The following THSD7B variants were observed in gnomAD, a reference collection of about 807,000 sequenced individuals.
THSD7B encodes thrombospondin type-1 domain-containing protein 7B.
In THSD7B, 138 loss-of-function variants were observed where a neutral mutation model predicts 213.6. The ratio of observed to expected loss-of-function variants is 0.65; its 90% CI spans 0.56 to 0.74. THSD7B has a LOEUF of 0.74. THSD7B is among the 30% of genes least tolerant of loss of function. The pLI is 0.00. For missense variants in THSD7B, 1,931 were observed against 1,991.5 expected (o/e 0.97, Z 0.58); for synonymous variants, 742 against 687.0 (o/e 1.08, Z -1.25).
intron 5 of THSD7B, among the ~76,000 whole-genome samples, chr2:137,122,557 A>G (rs1688563341): frequency 1.3e-5 from 2 of 152,156 alleles, no homozygotes; most frequent in Admixed American, 1.3e-4. Context: ...GGGGGAGATG[A>G]GGTAAGGACT....
intron 12 of THSD7B, among the ~76,000 whole-genome samples, chr2:137,286,803 G>A (rs1032094920): frequency 1.3e-5 from 2 of 152,064 alleles, no homozygotes; most frequent in African/African-American, 4.8e-5. Flanking sequence ...CACGAGCTAT[G>A]GGCATTTCCA....
chr2:137,431,638 G>A (rs774083587), intron 14 of THSD7B, among the ~76,000 whole-genome samples: 4 of 152,052 alleles, frequency 2.6e-5, no homozygotes, highest in Non-Finnish European at 5.9e-5. Context: ...ACAATATAAA[G>A]GGTTAAATAA....
At position 137,560,185 on chromosome 2, in the gene THSD7B, A is replaced by G. The variant is rs1423867661; in HGVS notation, c.3139-3036A>G. Among the ~76,000 whole-genome samples the G allele has an allele frequency of 2.6e-5, 4 of 152,210 alleles. No individual in the cohort carries two copies. In the East Asian group the frequency reaches 5.8e-4, roughly 22 times the overall value. ...TCAAGGATCTAGAACTAGAAATACC[A>G]TTTGACCCAGCCATCCCATTGCTGG... On this transcript the variant is annotated intron_variant, in intron 15 of 27. Coordinates refer to ENST00000409968, the MANE Select transcript of THSD7B (RefSeq NM_001316349.2).
Position 137,641,690 on chromosome 2 carries a change from G to A in THSD7B, c.3800-798G>A, listed in dbSNP as rs138491013. Among the ~76,000 whole-genome samples the A allele has an allele frequency of 4.2e-4, 64 of 152,294 alleles. No homozygotes were observed. The East Asian group carries it at 0.012, about 28-fold the overall frequency. On this transcript the variant is annotated intron_variant, in intron 20 of 27. Transcript: ENST00000409968. ...TGATGAGCTGATGACCTAATGCCTA[G>A]GAGGGGGCAGAAGATGACATGGGAG...
intron 1 of THSD7B, among the ~76,000 whole-genome samples, chr2:136,807,785 C>T (rs1034275700): frequency 1.1e-4 from 16 of 152,260 alleles, no homozygotes; most frequent in African/African-American, 2.6e-4. Flanking sequence ...GGATTACAGG[C>T]GTGAGCCACC....
rs1339125557 is a variant in THSD7B at position 137,487,568 on chromosome 2, A to G, written c.3138+36545A>G. ...CAACAAAATTGATAGTCCACTAGCA[A>G]GACTAATAAAGAAGAAAAGAGAGAA... On this transcript the variant is annotated intron_variant, in intron 15 of 27. Transcript: ENST00000409968. Among the ~76,000 whole-genome samples the G allele has an allele frequency of 1.1e-4, 17 of 151,904 alleles. No individual in the cohort carries two copies. The East Asian group carries it at 3.3e-3, about 29-fold the overall frequency.
chr2:137,337,994 C>G (rs891474652), intron 12 of THSD7B, among the ~76,000 whole-genome samples: 2 of 151,834 alleles, frequency 1.3e-5, no homozygotes, highest in African/African-American at 2.4e-5. Flanking sequence ...ACAAATAACC[C>G]CAAAATTTAG....
intron 7 of THSD7B, among the ~76,000 whole-genome samples, chr2:137,224,097 A>C (rs1414502681): frequency 6.6e-6 from 1 of 152,176 alleles, no homozygotes; most frequent in Non-Finnish European, 1.5e-5. Flanking sequence ...ACAACCACTA[A>C]GACATTTGGT....
chr2:137,585,685 T>C (rs1681708204), intron 17 of THSD7B, among the ~76,000 whole-genome samples: 1 of 152,220 alleles, frequency 6.6e-6, no homozygotes, highest in African/African-American at 2.4e-5. Flanking sequence ...CTAGTTTGAT[T>C]GCACTGTGGT....
intron 1 of THSD7B, among the ~76,000 whole-genome samples, chr2:136,781,176 TG>T (rs1681735140): frequency 6.6e-6 from 1 of 152,014 alleles, no homozygotes. Context: ...AGTGGGGTGG[TG>T]GGGCGTTGTG....
chr2:136,772,316 T>C lies in THSD7B; in HGVS notation c.-36+6629T>C, dbSNP rs531129977. Among the ~76,000 whole-genome samples, 6 of 152,262 alleles carry C rather than the reference T, an allele frequency of 3.9e-5. No homozygotes were observed. In the East Asian group the frequency reaches 9.7e-4, roughly 25 times the overall value. ...AGATGACTGACAGGAAGAATATTGC[T>C]GAATTACTTCTACCTGGAGGTAGAA... On this transcript the variant is annotated intron_variant, in intron 1 of 27. Transcript: ENST00000409968.
At chr2:137,133,660 A>G (rs1688781324) in intron 5 of THSD7B, among the ~76,000 whole-genome samples, 1 of 152,218 alleles carries the variant, frequency 6.6e-6, no homozygotes, top group Non-Finnish European at 1.5e-5. Context: ...TGTGAATGAC[A>G]TATGTAATTT....
At chr2:137,095,520 A>G (rs1247232375) in intron 4 of THSD7B, among the ~76,000 whole-genome samples, 1 of 152,142 alleles carries the variant, frequency 6.6e-6, no homozygotes, top group Non-Finnish European at 1.5e-5. Context: ...TGAAGCTACT[A>G]ATGTTCAGAG....
intron 15 of THSD7B, among the ~76,000 whole-genome samples, chr2:137,493,875 T>C (rs1407103222): frequency 6.6e-6 from 1 of 152,204 alleles, no homozygotes; most frequent in Non-Finnish European, 1.5e-5. Flanking sequence ...CTTTGTGTCG[T>C]TTGGAAAGTG....
Position 137,376,584 on chromosome 2 carries a change from A to G in THSD7B, c.2501-29029A>G, listed in dbSNP as rs79841652. ...TTCAAAAGTGGAATAAATCATACACATGCAGTGTGTGAATTAGCATATTTA... is the reference window on the plus strand; with the variant it reads ...TTCAAAAGTGGAATAAATCATACACGTGCAGTGTGTGAATTAGCATATTTA... On this transcript the variant is annotated intron_variant, in intron 12 of 27. Transcript: ENST00000409968. Among the ~76,000 whole-genome samples the G allele has an allele frequency of 3.6e-3, 556 of 152,360 alleles. 15 individuals are homozygous for G. The highest frequency in any genetic ancestry group is 0.029 in the Admixed American group (439 of 15,298).
At chr2:136,830,346 TCTTCCA>T (rs1682731597) in intron 1 of THSD7B, among the ~76,000 whole-genome samples, 1 of 152,196 alleles carries the variant, frequency 6.6e-6, no homozygotes, top group Non-Finnish European at 1.5e-5. Context: ...ATGAACATTT[TCTTCCA>T]TTGAAAAGGA....
intron 3 of THSD7B, among the ~76,000 whole-genome samples, chr2:137,086,159 A>G (rs1262805145): frequency 6.6e-6 from 1 of 152,066 alleles, no homozygotes; most frequent in African/African-American, 2.4e-5. Flanking sequence ...CCAGCCTGGC[A>G]AACCCCTTCT....
intron 17 of THSD7B, among the ~76,000 whole-genome samples, chr2:137,606,250 T>G (rs971442221): frequency 9.2e-5 from 14 of 151,960 alleles, no homozygotes; most frequent in African/African-American, 3.4e-4. Context: ...AAAGAATACA[T>G]CCTGTATGAG....
intron 7 of THSD7B, among the ~76,000 whole-genome samples, chr2:137,188,232 T>C (rs1342760346): frequency 6.6e-6 from 1 of 152,202 alleles, no homozygotes; most frequent in Non-Finnish European, 1.5e-5. Flanking sequence ...GAGGTAGTGC[T>C]GAGACCAGAA....
Sources: gnomAD v4.1 joint callset for allele counts (sites outside exome capture counted in the v4.1 genomes callset) on GRCh38, gnomAD v4.1.1 for gene constraint, MANE v1.5 for transcripts, NCBI Gene and HGNC (gene_info 2026-07-23, HGNC 2026-07-21) for gene names.